The following UHRF2 variants were observed in gnomAD, a reference collection of about 807,000 sequenced individuals.
The protein encoded by UHRF2 is E3 ubiquitin-protein ligase UHRF2.
UHRF2 carries 23 observed loss-of-function variants against 96.8 expected under a neutral mutation model. The observed-to-expected ratio is 0.24, with a 90% confidence interval of 0.17 to 0.34. The LOEUF (loss-of-function observed/expected upper bound fraction) is 0.34. UHRF2 is among the 10% of genes least tolerant of loss of function. The pLI is 1.00. For missense variants in UHRF2, 685 were observed against 981.5 expected (o/e 0.70, Z 4.04); for synonymous variants, 385 against 332.6 (o/e 1.16, Z -1.72).
At chr9:6,491,465 A>G (rs949003287) in intron 9 of UHRF2, among the ~76,000 whole-genome samples, 2 of 152,250 alleles carry the variant, frequency 1.3e-5, no homozygotes, top group Non-Finnish European at 1.5e-5. Context: ...AAAGGGTGTT[A>G]TGAGAGAAGT....
intron 10 of UHRF2, 54 bp from the exon 11 acceptor site, chr9:6,497,144 T>C (rs1261350620): frequency 1.2e-5 from 19 of 1,541,052 alleles, no homozygotes; most frequent in Non-Finnish European, 1.6e-5. Flanking sequence ...AATGACTCGA[T>C]TGTGTACTTG....
At chr9:6,479,478 C>G (rs1382854407) in intron 6 of UHRF2, among the ~76,000 whole-genome samples, 1 of 152,166 alleles carries the variant, frequency 6.6e-6, no homozygotes. Flanking sequence ...ACCCCCAACC[C>G]TGCCAAAGCA....
intron 4 of UHRF2, among the ~76,000 whole-genome samples, chr9:6,467,598 T>TTG (rs1466728195): frequency 4.7e-5 from 7 of 149,802 alleles, no homozygotes; most frequent in Non-Finnish European, 8.9e-5. Context: ...GAGAATAGTT[T>TTG]TTTTTTTTTT....
chr9:6,501,317 C>G (rs1816279391), intron 14 of UHRF2, among the ~76,000 whole-genome samples: 2 of 152,134 alleles, frequency 1.3e-5, no homozygotes, highest in South Asian at 4.1e-4. Context: ...TCATTCTTTC[C>G]TCACTTATTG....
chr9:6,451,559 C>T (rs1821866479), intron 3 of UHRF2, among the ~76,000 whole-genome samples: 2 of 151,494 alleles, frequency 1.3e-5, no homozygotes, highest in South Asian at 4.2e-4. Flanking sequence ...TCACTGCAGG[C>T]TCCGCCCCCC....
At chr9:6,422,695 G>C (rs1056191623) in intron 2 of UHRF2, 1 of 583,634 alleles carries the variant, frequency 1.7e-6, no homozygotes, top group Non-Finnish European at 3.2e-6. Context: ...CTGTAGCCTT[G>C]ACCTGCTGGG....
At chr9:6,503,300 C>G (rs1395923284) in intron 14 of UHRF2, among the ~76,000 whole-genome samples, 1 of 152,050 alleles carries the variant, frequency 6.6e-6, no homozygotes, top group Non-Finnish European at 1.5e-5. Flanking sequence ...TTGGCCTTAA[C>G]TTTTTCTATT....
chr9:6,469,937 T>C (rs13296481), intron 4 of UHRF2, among the ~76,000 whole-genome samples: 6,088 of 151,984 alleles, frequency 0.04, 151 homozygotes, highest in Middle Eastern at 0.085. Context: ...CTAAGCAGGA[T>C]AAATATAAAG....
chr9:6,459,413 A>C (rs1371080482), intron 3 of UHRF2, among the ~76,000 whole-genome samples: 1 of 152,216 alleles, frequency 6.6e-6, no homozygotes, highest in East Asian at 1.9e-4. Context: ...TCATGCCTGT[A>C]ATCCCAGCAC....
At chr9:6,428,124 C>A (rs561443392) in intron 2 of UHRF2, among the ~76,000 whole-genome samples, 1 of 152,134 alleles carries the variant, frequency 6.6e-6, no homozygotes, top group East Asian at 1.9e-4. Flanking sequence ...TACATGTTTT[C>A]TTATGCTCAT....
intron 2 of UHRF2, among the ~76,000 whole-genome samples, chr9:6,431,987 G>A (rs1423232018): frequency 2.6e-5 from 4 of 152,144 alleles, no homozygotes; most frequent in African/African-American, 9.7e-5. Flanking sequence ...ATTCTCCCAA[G>A]TATGATGGAC....
intron 3 of UHRF2, among the ~76,000 whole-genome samples, chr9:6,437,486 A>G (rs920578279): frequency 1.3e-5 from 2 of 151,514 alleles, no homozygotes; most frequent in Non-Finnish European, 1.5e-5. Context: ...ACCTACCTCA[A>G]CCTCCCAAAG....
chr9:6,487,346 A>G (rs1343914590), intron 9 of UHRF2, among the ~76,000 whole-genome samples: 1 of 150,912 alleles, frequency 6.6e-6, no homozygotes, highest in Non-Finnish European at 1.5e-5. Flanking sequence ...CTGCCATCAC[A>G]CCTGGCTAAT....
chr9:6,487,854 A>G (rs1012593818), intron 9 of UHRF2, among the ~76,000 whole-genome samples: 2 of 152,240 alleles, frequency 1.3e-5, no homozygotes, highest in Non-Finnish European at 2.9e-5. Flanking sequence ...TTTAAAAAAT[A>G]AAAACTGGTT....
chr9:6,456,217 T>C (rs907520558), intron 3 of UHRF2, among the ~76,000 whole-genome samples: 1 of 152,242 alleles, frequency 6.6e-6, no homozygotes, highest in Non-Finnish European at 1.5e-5. Context: ...GACTTTTTAA[T>C]GATCGCCATT....
At chr9:6,427,320 A>C (rs1344828788) in intron 2 of UHRF2, among the ~76,000 whole-genome samples, 1 of 152,222 alleles carries the variant, frequency 6.6e-6, no homozygotes, top group African/African-American at 2.4e-5. Context: ...CATGATAAGC[A>C]GGTACAAAAG....
At chr9:6,478,707 T>G (rs1249110261) in intron 6 of UHRF2, among the ~76,000 whole-genome samples, 1 of 152,196 alleles carries the variant, frequency 6.6e-6, no homozygotes, top group Non-Finnish European at 1.5e-5. Flanking sequence ...ATAACTGATG[T>G]CACAAGTGGG....
At chr9:6,471,726 T>A (rs1823252183) in intron 4 of UHRF2, among the ~76,000 whole-genome samples, 1 of 152,118 alleles carries the variant, frequency 6.6e-6, no homozygotes, top group Non-Finnish European at 1.5e-5. Context: ...CACCCCCATA[T>A]GAGTAAGTAC....
chr9:6,435,493 A>G (rs1417222895), intron 3 of UHRF2, among the ~76,000 whole-genome samples: 1 of 152,210 alleles, frequency 6.6e-6, no homozygotes. Flanking sequence ...AAAGAGTATA[A>G]TTCGTTGTTT....
Sources: gnomAD v4.1 joint callset for allele counts (sites outside exome capture counted in the v4.1 genomes callset) on GRCh38, gnomAD v4.1.1 for gene constraint, MANE v1.5 for transcripts, NCBI Gene and HGNC (gene_info 2026-07-23, HGNC 2026-07-21) for gene names.